Variants in DPM2 observed in about 807,000 individuals in gnomAD.
DPM2 encodes dolichyl-phosphate mannosyltransferase subunit 2, regulatory, also known as dolichol phosphate-mannose biosynthesis regulatory protein.
In DPM2, 8 loss-of-function variants were observed where a neutral mutation model predicts 12.1. That is an observed-to-expected ratio of 0.66 (90% CI 0.39 to 1.19). The LOEUF is 1.19. Among genes scored for constraint, DPM2 ranks in the 50% most tolerant of loss-of-function variants. The probability of loss-of-function intolerance (pLI) is 0.01; values close to 1 mark genes in which losing one functional copy is unlikely to be tolerated. For synonymous variants in DPM2, 38 were observed against 44.7 expected (o/e 0.85, Z 0.60); for missense variants, 93 against 102.5 (o/e 0.91, Z 0.40).
chr9:127,935,535 T>C lies in DPM2; in HGVS notation c.*187A>G, dbSNP rs566391229. 1 of 647,842 alleles carries C rather than the reference T, an allele frequency of 1.5e-6. No individual in the cohort carries two copies. The highest frequency in any genetic ancestry group is 1.8e-5 in the South Asian group (1 of 57,036). 40.1% of individuals were successfully genotyped at this position (647,842 alleles called of 1,614,324 possible). On this transcript the variant is annotated 3_prime_UTR_variant, in exon 4 of 4. Transcript: ENST00000314392. ...TTCCAGGTATCCCTCCCTCCTAGCT[T>C]CTGGAAGTGGGAGTCGGGGAGGGGG...
intron 1 of DPM2, 140 bp downstream of exon 1, chr9:127,937,678 T>C: frequency 1.6e-6 from 2 of 1,276,576 alleles, no homozygotes; most frequent in Non-Finnish European, 2.3e-6. Flanking sequence ...GAGAGAATGC[T>C]AGGCCTCCGC....
chr9:127,935,768 G>A lies in DPM2; in HGVS notation c.209C>T (p.Ser70Phe), dbSNP rs1338503253. The change falls in exon 4 of 4, where the codon TCC (serine) becomes TTC (phenylalanine). Residue 70 changes from serine (S) to phenylalanine (F), a missense_variant. Coordinates refer to ENST00000314392, the MANE Select transcript of DPM2 (RefSeq NM_003863.4). ...TCTCTTGGTCTTCAGCATCACATAG[G>A]AGATGAACAGTCCTGGGATACACAG... ...LLLLFVGLFI[S>F]YVMLKTKRVT... 6.2e-7 allele frequency: 1 copy of A among 1,613,188 alleles called. No individual in the cohort carries two copies.
Position 127,936,879 on chromosome 9 carries a change from G to A in DPM2, c.94-224C>T. On this transcript the variant is annotated intron_variant, in intron 2 of 3. Coordinates refer to ENST00000314392, the MANE Select transcript of DPM2 (RefSeq NM_003863.4). ...CTTTGGTGCCTGCTATAGGTTGGTG[G>A]TGGGGACAAGAGAACAGGGCACAAG... is the stretch of plus-strand genomic sequence containing the variant. 7.0e-6 allele frequency: 3 copies of A among 430,796 alleles called. 1 individual carries two copies. Among genetic ancestry groups the A allele is most frequent in the Admixed American group, 8.3e-5 (2 of 24,044 alleles). 26.7% of individuals were successfully genotyped at this position (430,796 alleles called of 1,614,324 possible).
chr9:127,936,442 G>A, intron 3 of DPM2, 111 bp downstream of exon 3: 1 of 1,609,258 alleles, frequency 6.2e-7, no homozygotes, highest in Non-Finnish European at 8.5e-7. Flanking sequence ...AAACCCCACG[G>A]GTGAGTTCGG....
Position 127,936,717 on chromosome 9 carries a change from C to T in DPM2, c.94-62G>A, listed in dbSNP as rs1031730811. ...GCCTTGCCGAGCCCCCAAGCCCAAA[C>T]GTCCCACCTCCTCCATCTAAGGGGC... On this transcript the variant is annotated intron_variant, in intron 2 of 3. Coordinates refer to ENST00000314392, the MANE Select transcript of DPM2 (RefSeq NM_003863.4). 2.8e-5 allele frequency: 39 copies of T among 1,388,348 alleles called. No homozygotes were observed. The African/African-American group carries it at 4.4e-4, about 16-fold the overall frequency. The allele number at this position is 1,388,348 out of a possible 1,614,324, so 86.0% of individuals were successfully genotyped here. A position where few individuals can be genotyped will look rare whatever the true frequency, so the allele number is the denominator to read the frequency against.
At chr9:127,936,183 C>T (rs1831501520) in intron 3 of DPM2, 5 of 1,153,076 alleles carry the variant, frequency 4.3e-6, no homozygotes, top group Admixed American at 3.2e-5. Context: ...TTTCTGAGCA[C>T]AGCCTCAGTG....
intron 3 of DPM2, chr9:127,936,064 T>C (rs1831499721): frequency 1.7e-6 from 1 of 595,226 alleles, no homozygotes; most frequent in Non-Finnish European, 2.9e-6. Context: ...GGTCAACCAC[T>C]TGTCTGTCCA....
In DPM2 at chr9:127,936,593, G is replaced by A. The variant is rs1358281710; in HGVS notation, c.156C>T (p.Ala52=). The change falls in exon 3 of 4, where the codon GCC becomes GCT. Residue 52 remains alanine, a synonymous_variant. Coordinates refer to ENST00000314392, the MANE Select transcript of DPM2 (RefSeq NM_003863.4). ...KYFLPRAYAV[A]IPLAAGLLLL... is the part of the protein sequence containing the mutation. ...GCAGGAGGCCTGCAGCCAGTGGGAT[G>A]GCGACAGCATAGGCTCGGGGCAGGA... 2 of 1,559,446 alleles carry A rather than the reference G, an allele frequency of 1.3e-6. No homozygotes were observed. The highest frequency in any genetic ancestry group is 2.3e-5 in the East Asian group (1 of 43,244).
Position 127,935,622 on chromosome 9 carries a change from G to T in DPM2, c.*100C>A. ...ACTCTGCAGGACAGGCAGGCTTGAG[G>T]AGCCACTGTGCCTGGACAGGTTCTG... is the stretch of plus-strand genomic sequence containing the variant. On this transcript the variant is annotated 3_prime_UTR_variant, in exon 4 of 4. Coordinates refer to ENST00000314392, the MANE Select transcript of DPM2 (RefSeq NM_003863.4). The T allele has an allele frequency of 8.0e-7, 1 of 1,242,564 alleles. No individual in the cohort carries two copies. Among genetic ancestry groups the T allele is most frequent in the South Asian group, 1.2e-5 (1 of 80,484 alleles). 77.0% of individuals were successfully genotyped at this position (1,242,564 alleles called of 1,614,324 possible).
intron 3 of DPM2, chr9:127,936,206 C>T (rs1388798397): frequency 1.5e-5 from 19 of 1,281,810 alleles, no homozygotes; most frequent in Non-Finnish European, 2.0e-5. Flanking sequence ...ACAGCCTGTT[C>T]TAGATGTGCA....
intron 2 of DPM2, 181 bp downstream of exon 2, chr9:127,937,253 C>G: frequency 3.8e-6 from 2 of 528,474 alleles, no homozygotes; most frequent in Non-Finnish European, 6.8e-6. Flanking sequence ...TCTCCCCTAG[C>G]CTCAGCTATC....
intron 3 of DPM2, chr9:127,936,337 C>A: frequency 1.3e-6 from 2 of 1,493,528 alleles, no homozygotes; most frequent in South Asian, 1.3e-5. Flanking sequence ...GGGGTTGGGG[C>A]AGGAAAGAGG....
intron 3 of DPM2, chr9:127,936,102 A>C: frequency 3.3e-6 from 2 of 611,658 alleles, no homozygotes; most frequent in African/African-American, 1.9e-5. Context: ...CTCCTCCTAC[A>C]CCTCACCCAC....
chr9:127,936,476 A>G (rs763672848), intron 3 of DPM2, 77 bp downstream of exon 3: 14 of 1,610,866 alleles, frequency 8.7e-6, no homozygotes, highest in Middle Eastern at 3.3e-4. Context: ...CAGCACCGCC[A>G]AAGTGTGGAA....
chr9:127,935,775 A>G lies in DPM2; in HGVS notation c.202T>C (p.Phe68Leu), dbSNP rs1375455756. The G allele has an allele frequency of 3.1e-6, 5 of 1,613,226 alleles. No homozygotes were observed. The highest frequency in any genetic ancestry group is 4.2e-6 in the Non-Finnish European group (5 of 1,179,212). Residue 68 changes from phenylalanine (F) to leucine (L), a missense_variant, in exon 4 of 4, where the codon TTC (phenylalanine) becomes CTC (leucine). Phe to Leu is a conservative substitution (Grantham distance 22). Coordinates refer to ENST00000314392, the MANE Select transcript of DPM2 (RefSeq NM_003863.4). ...GTCTTCAGCATCACATAGGAGATGA[A>G]CAGTCCTGGGATACACAGACCAGAA... ...GLLLLLFVGL[F>L]ISYVMLKTKR...
At chr9:127,937,716 G>A in intron 1 of DPM2, 102 bp downstream of exon 1, 1 of 1,477,878 alleles carries the variant, frequency 6.8e-7, no homozygotes, top group Non-Finnish European at 9.5e-7. Flanking sequence ...AGTGGGGGCG[G>A]GAGAGCAATC....
Position 127,935,634 on chromosome 9 carries a change from C to A in DPM2, c.*88G>T. ...AGGCAGGCTTGAGGAGCCACTGTGC[C>A]TGGACAGGTTCTGCAGGCTCCCCCA... On this transcript the variant is annotated 3_prime_UTR_variant, in exon 4 of 4. Transcript: ENST00000314392. 7.1e-7 allele frequency: 1 copy of A among 1,411,264 alleles called. No individual in the cohort carries two copies. Among genetic ancestry groups the A allele is most frequent in the Non-Finnish European group, 9.9e-7 (1 of 1,010,626 alleles). 87.4% of individuals were successfully genotyped at this position (1,411,264 alleles called of 1,614,324 possible). A position where few individuals can be genotyped will look rare whatever the true frequency, so the allele number is the denominator to read the frequency against.
chr9:127,937,797 G>A (rs941055330), intron 1 of DPM2, 21 bp downstream of exon 1: 3 of 1,610,264 alleles, frequency 1.9e-6, no homozygotes, highest in African/African-American at 2.7e-5. Context: ...CCCTATCTCC[G>A]GCACACGGTG....
chr9:127,936,731 C>T, intron 2 of DPM2, 76 bp from the exon 3 acceptor site: 1 of 1,326,620 alleles, frequency 7.5e-7, no homozygotes, highest in Non-Finnish European at 9.9e-7. Context: ...CCACCTCCTC[C>T]ATCTAAGGGG....
Sources: allele counts gnomAD v4.1 joint callset, GRCh38; gene constraint gnomAD v4.1.1; transcripts MANE v1.5; gene names NCBI Gene and HGNC (gene_info 2026-07-23, HGNC 2026-07-21).